CACTIN: variants seen among roughly 807,000 people sequenced by gnomAD.
The protein encoded by CACTIN is cactin, spliceosome C complex subunit.
In CACTIN, 20 loss-of-function variants were observed where a neutral mutation model predicts 84.9. That is an observed-to-expected ratio of 0.24 (90% CI 0.17 to 0.34). The LOEUF is 0.34. CACTIN is among the 10% of genes least tolerant of loss of function. The probability of loss-of-function intolerance (pLI) is 1.00; values close to 1 mark genes in which losing one functional copy is unlikely to be tolerated. For synonymous variants in CACTIN, 549 were observed against 467.9 expected (o/e 1.17, Z -2.24); for missense variants, 897 against 1,117.2 (o/e 0.80, Z 2.81).
intron 7 of CACTIN, chr19:3,613,804 G>T (rs2033038741): frequency 1.7e-6 from 1 of 603,382 alleles, no homozygotes; most frequent in Non-Finnish European, 2.8e-6. Flanking sequence ...ACCATCCCAT[G>T]GCAGGGAGAG....
In CACTIN at chr19:3,620,785, C is replaced by A. The variant is rs1012134926; in HGVS notation, c.660G>T (p.Gly220=). 1.2e-6 allele frequency: 2 copies of A among 1,613,256 alleles called. No individual in the cohort carries two copies. The highest frequency in any genetic ancestry group is 2.7e-5 in the African/African-American group (2 of 74,920). The change falls in exon 3 of 10, where the codon GGG becomes GGT. Residue 220 remains glycine, a synonymous_variant. Transcript: ENST00000429344. ...FIWNKALEKK[G]ISHLEEKELK... ...GCTCCTTCTCCTCCAGGTGGCTGAT[C>A]CCCTTCTTCTCCAGGGCCTGGAAGC...
chr19:3,623,947 CG>C lies in CACTIN; in HGVS notation c.382del (p.Arg128GlyfsTer7). 1.2e-6 allele frequency: 2 copies of C among 1,603,046 alleles called. No homozygotes were observed. Among genetic ancestry groups the C allele is most frequent in the Non-Finnish European group, 8.5e-7 (1 of 1,178,420 alleles). ...CTGGCTCAGGGCAGCCGCGGCCGCC[CG>C]GGGGCTCTGGGATCGCCCTGGAGAC... is the stretch of plus-strand genomic sequence containing the variant. ...SASPGRSQSP[R>X]AAAAALSQQQ... On this transcript the variant is annotated frameshift_variant, in exon 2 of 10. Coordinates refer to ENST00000429344, the MANE Select transcript of CACTIN (RefSeq NM_001080543.2). LOFTEE classifies it high-confidence loss of function.
In CACTIN at chr19:3,613,479, T is replaced by A. The variant is rs778027693; in HGVS notation, c.1463A>T (p.Gln488Leu). The A allele has an allele frequency of 3.3e-5, 52 of 1,580,816 alleles. No homozygotes were observed. Among genetic ancestry groups the A allele is most frequent in the Non-Finnish European group, 4.3e-5 (50 of 1,167,978 alleles). Reference protein sequence around the residue: ...PLFPILKQEPQSPSRSLEPED... With the variant: ...PLFPILKQEPLSPSRSLEPED... The stretch of plus-strand genomic sequence containing the variant: ...CCGGGCCTACCTGCGGCTGGGGGAC[T>A]GGGGCTCCTGCTTGAGGATGGGGAA... Residue 488 changes from glutamine to leucine, a missense_variant, in exon 8 of 10, where the codon CAG becomes CTG. Physicochemically the swap from Gln to Leu is moderately radical, Grantham distance 113. This residue lies in a region of CACTIN where 243 missense variants were observed against 239.9 expected (regional missense o/e 1.01). Transcript: ENST00000429344.
Position 3,626,670 on chromosome 19 carries a change from G to T in CACTIN, c.93C>A (p.Ser31Arg). 1 of 1,529,230 alleles carries T rather than the reference G, an allele frequency of 6.5e-7. No individual in the cohort carries two copies. The highest frequency in any genetic ancestry group is 8.7e-7 in the Non-Finnish European group (1 of 1,146,940). The allele number at this position is 1,529,230 out of a possible 1,614,324, so 94.7% of individuals were successfully genotyped here. A position where few individuals can be genotyped will look rare whatever the true frequency, so the allele number is the denominator to read the frequency against. Residue 31 changes from serine to arginine, a missense_variant, in exon 1 of 10, where the codon AGC becomes AGA. Physicochemically the swap from Ser to Arg is moderately radical, Grantham distance 110. Transcript: ENST00000429344. ...GGCGCCGTCGGTTTCGCCGCCCATG[G>T]CTCCTGCTCCGACTTCGGCTCCCGC... ...SQSGSRSRSRSHGRRNRRRRE... is the reference protein window; with the variant it reads ...SQSGSRSRSRRHGRRNRRRRE...
rs1400201957 is a variant in CACTIN, at chr19:3,626,619, C to T, written c.144G>A (p.Arg48=). ...ACCTGCGCTCCCGGCTCCGCCGCCT[C>T]CGTCTGCGCCGTCCCTCGTCCTCCC... ...RRREDEGRRR[R]RRRSRERRSD... Residue 48 remains arginine (R), a synonymous_variant, in exon 1 of 10, where the codon CGG becomes CGA. Coordinates refer to ENST00000429344, the MANE Select transcript of CACTIN (RefSeq NM_001080543.2). The T allele has an allele frequency of 2.6e-6, 4 of 1,516,690 alleles. No homozygotes were observed. The highest frequency in any genetic ancestry group is 3.5e-6 in the Non-Finnish European group (4 of 1,140,534). 94.0% of individuals were successfully genotyped at this position (1,516,690 alleles called of 1,614,324 possible).
At chr19:3,614,197 C>G (rs1281263998) in intron 7 of CACTIN, among the ~76,000 whole-genome samples, 200 bp downstream of exon 7, 1 of 151,980 alleles carries the variant, frequency 6.6e-6, no homozygotes, top group African/African-American at 2.4e-5. Context: ...GGGGCCTTCC[C>G]GCTAGGGCAC....
chr19:3,617,286 T>C (rs541583486), intron 6 of CACTIN, among the ~76,000 whole-genome samples: 27 of 152,206 alleles, frequency 1.8e-4, no homozygotes, highest in Admixed American at 1.8e-3. Context: ...CTCTGAAAAA[T>C]GAAAAGTAAA....
At chr19:3,618,569 A>G (rs575374245) in intron 6 of CACTIN, among the ~76,000 whole-genome samples, 53 of 152,352 alleles carry the variant, frequency 3.5e-4, no homozygotes, top group African/African-American at 1.3e-3. Flanking sequence ...AGCCACTGAG[A>G]GCACTGAAAC....
intron 2 of CACTIN, among the ~76,000 whole-genome samples, chr19:3,622,143 A>T (rs2033237299): frequency 6.6e-6 from 1 of 152,120 alleles, no homozygotes; most frequent in Non-Finnish European, 1.5e-5. Context: ...AGGCGGGCAG[A>T]TCACTTGAGG....
At chr19:3,620,915 C>T (rs1599892512) in intron 2 of CACTIN, 113 bp from the exon 3 acceptor site, 1 of 782,086 alleles carries the variant, frequency 1.3e-6, no homozygotes. Flanking sequence ...GAGAGGTGAC[C>T]TGCCAGCACT....
intron 1 of CACTIN, among the ~76,000 whole-genome samples, chr19:3,625,634 G>C (rs957958245): frequency 6.6e-6 from 1 of 152,244 alleles, no homozygotes; most frequent in Non-Finnish European, 1.5e-5. Flanking sequence ...GGGAGGCTGA[G>C]GCTGAAGAAT....
Position 3,615,811 on chromosome 19 carries a change from G to A in CACTIN, c.1163-1222C>T, listed in dbSNP as rs780218081. 1.3e-5 allele frequency: 2 copies of A among 152,112 alleles called. No individual in the cohort carries two copies. Among genetic ancestry groups the A allele is most frequent in the African/African-American group, 4.8e-5 (2 of 41,408 alleles). The allele number at this position is 152,112 out of a possible 1,614,324, so 9.4% of individuals were successfully genotyped here. A position where few individuals can be genotyped will look rare whatever the true frequency, so the allele number is the denominator to read the frequency against. On this transcript the variant is annotated intron_variant, in intron 6 of 9. Transcript: ENST00000429344. The surrounding 1 kb of genome is among the most constrained non-coding windows in gnomAD (Gnocchi z 5.2). ...GACTGGATAGAGTCTAGACGGACCC[G>A]AGTCCCCTCCAGCCAATCACCTGGG...
rs546540109 is a variant in CACTIN at position 3,619,688 on chromosome 19, C to T, written c.884+439G>A. 1.4e-3 allele frequency among the ~76,000 whole-genome samples: 216 copies of T among 152,220 alleles called. 2 individuals carry two copies. Among genetic ancestry groups the T allele is most frequent in the East Asian group, 3.9e-4 (2 of 5,160 alleles). ...TCTGTTCTGGGCCTGCAGGGGGGTA[C>T]GCGTTGCAGGCGGGCCCTGGTCCAA... On this transcript the variant is annotated intron_variant, in intron 4 of 9. Coordinates refer to ENST00000429344, the MANE Select transcript of CACTIN (RefSeq NM_001080543.2).
intron 2 of CACTIN, among the ~76,000 whole-genome samples, chr19:3,623,248 G>A (rs552261747): frequency 4.0e-5 from 6 of 151,316 alleles, no homozygotes; most frequent in African/African-American, 1.5e-4. Context: ...AAAGAAAGCT[G>A]GCCGGGCGTG....
rs892310835 is a variant in CACTIN, at chr19:3,610,892, C to T, written c.*1031G>A. 3.1e-5 allele frequency: 14 copies of T among 456,646 alleles called. No individual in the cohort carries two copies. Among genetic ancestry groups the T allele is most frequent in the Non-Finnish European group, 5.3e-5 (12 of 227,000 alleles). The allele number at this position is 456,646 out of a possible 1,614,324, so 28.3% of individuals were successfully genotyped here. A position where few individuals can be genotyped will look rare whatever the true frequency, so the allele number is the denominator to read the frequency against. ...TTGCTTCTGTTGGAGATGTTCCCGT[C>T]GGATGCTGAAGAACAAGCCTGCCGG... On this transcript the variant is annotated 3_prime_UTR_variant, in exon 10 of 10. Coordinates refer to ENST00000429344, the MANE Select transcript of CACTIN (RefSeq NM_001080543.2).
intron 1 of CACTIN, among the ~76,000 whole-genome samples, chr19:3,626,208 G>A (rs756515494): frequency 7.2e-5 from 11 of 152,090 alleles, no homozygotes; most frequent in Non-Finnish European, 1.3e-4. Context: ...CTCAAAGCCA[G>A]AAAGTATGCA....
At position 3,626,713 on chromosome 19, in the gene CACTIN, C is replaced by T. The variant is rs1044722321; in HGVS notation, c.50G>A (p.Arg17Gln). 6.7e-7 allele frequency: 1 copy of T among 1,499,176 alleles called. No homozygotes were observed. The highest frequency in any genetic ancestry group is 8.8e-7 in the Non-Finnish European group (1 of 1,130,934). The allele number at this position is 1,499,176 out of a possible 1,614,324, so 92.9% of individuals were successfully genotyped here. The change falls in exon 1 of 10, where the codon CGA becomes CAA. Residue 17 changes from arginine to glutamine, a missense_variant. Transcript: ENST00000429344. ...SRSRSAGRRG[R>Q]RRQSQSGSRS... ...GCTCCCGCTCTGACTCTGCCGCCTT[C>T]GGCCCCGGCGACCCGCGGACCGCGA...
rs561174240 is a variant in CACTIN, at chr19:3,613,689, G to A, written c.1356-103C>T. On this transcript the variant is annotated intron_variant, in intron 7 of 9. Transcript: ENST00000429344. Reference sequence around the variant, plus strand: ...CTTATTGCTGCAAGGACCCTGAGAAGGTGGCGAGCAGCCACGGCTCTGGCT... The same window carrying A: ...CTTATTGCTGCAAGGACCCTGAGAAAGTGGCGAGCAGCCACGGCTCTGGCT... 5.4e-6 allele frequency: 8 copies of A among 1,473,680 alleles called. No individual in the cohort carries two copies. In the African/African-American group the frequency reaches 7.0e-5, roughly 13 times the overall value. The allele number at this position is 1,473,680 out of a possible 1,614,324, so 91.3% of individuals were successfully genotyped here. A position where few individuals can be genotyped will look rare whatever the true frequency, so the allele number is the denominator to read the frequency against.
At chr19:3,619,340 G>A (rs1027395340) in intron 4 of CACTIN, 98 bp from the exon 5 acceptor site, 1 of 1,431,834 alleles carries the variant, frequency 7.0e-7, no homozygotes, top group South Asian at 1.4e-5. Flanking sequence ...GAGCCGAGGA[G>A]GGGCCTGACC....
Sources: allele counts gnomAD v4.1 joint callset (sites outside exome capture counted in the v4.1 genomes callset), GRCh38; gene constraint gnomAD v4.1.1; regional missense constraint gnomAD v4.1.1; non-coding constraint Gnocchi (gnomAD v3.1); transcripts MANE v1.5; gene names NCBI Gene and HGNC (gene_info 2026-07-23, HGNC 2026-07-21).